Variants in CROCC observed in about 807,000 individuals in gnomAD.
CROCC encodes ciliary rootlet coiled-coil, rootletin, also known as rootletin.
In CROCC, 180 loss-of-function variants were observed where a neutral mutation model predicts 245.2. That is an observed-to-expected ratio of 0.73 (90% CI 0.65 to 0.83). CROCC has a LOEUF of 0.83. CROCC is among the 40% of genes least tolerant of loss of function. The pLI is 0.00. For synonymous variants in CROCC, 1,205 were observed against 1,241.6 expected (o/e 0.97, Z 0.62); for missense variants, 2,688 against 2,779.4 (o/e 0.97, Z 0.74).
chr1:16,932,601 T>G (rs1211313801), intron 8 of CROCC, among the ~76,000 whole-genome samples: 1 of 151,876 alleles, frequency 6.6e-6, no homozygotes, highest in Non-Finnish European at 1.5e-5. Flanking sequence ...AAGGGATGGG[T>G]AGGGTTGAAG....
At chr1:16,920,653 A>G (rs1474294020), upstream of CROCC, among the ~76,000 whole-genome samples, 1 of 152,090 alleles carries the variant, frequency 6.6e-6, no homozygotes, top group East Asian at 1.9e-4. Context: ...TAAGCACTAG[A>G]GCACATAGCC....
chr1:16,940,609 T>G (rs1391660774), intron 13 of CROCC, among the ~76,000 whole-genome samples: 3 of 152,240 alleles, frequency 2.0e-5, no homozygotes, highest in African/African-American at 7.2e-5. Context: ...AGGCTGATCT[T>G]GAACTCCTGA....
rs751434137 is a variant in CROCC at position 16,971,520 on chromosome 1, C to CGCA, written c.5852_5854dup (p.Gln1951dup). 89 of 1,536,728 alleles carry CGCA rather than the reference C, an allele frequency of 5.8e-5. No homozygotes were observed. The Middle Eastern group carries it at 1.3e-3, about 22-fold the overall frequency. ...AGCCCGGCCCAGCTGGAGGTGGATGCGCAGCAGCAGCAGCTGGAGCTGCAG... is the reference window on the plus strand; with the variant it reads ...AGCCCGGCCCAGCTGGAGGTGGATGCGCAGCAGCAGCAGCAGCTGGAGCTGCAG... On this transcript the variant is annotated inframe_insertion, in exon 36 of 37. Transcript: ENST00000375541.
At position 16,951,140 on chromosome 1, in the gene CROCC, G is replaced by C; in HGVS notation, c.3006+18G>C. 1 of 1,479,446 alleles carries C rather than the reference G, an allele frequency of 6.8e-7. No homozygotes were observed. Among genetic ancestry groups the C allele is most frequent in the South Asian group, 1.4e-5 (1 of 72,580 alleles). The allele number at this position is 1,479,446 out of a possible 1,614,324, so 91.6% of individuals were successfully genotyped here. On this transcript the variant is annotated intron_variant, in intron 20 of 36. Transcript: ENST00000375541. ...GTGAAAAGGTTCAGGCAGCTGGGGA[G>C]GGGTGGGCAGGACTCTGAGCCAGTG...
intron 9 of CROCC, 129 bp downstream of exon 9, chr1:16,937,002 T>G (rs1252849834): frequency 5.0e-5 from 50 of 1,009,830 alleles, no homozygotes; most frequent in Middle Eastern, 6.3e-4. Context: ...AGTCTTCCCA[T>G]GCACTGAGGT....
At chr1:16,971,380 C>T in intron 35 of CROCC, 85 bp from the exon 36 acceptor site, 29 of 1,445,518 alleles carry the variant, frequency 2.0e-5, no homozygotes, top group Non-Finnish European at 2.6e-5. Flanking sequence ...CTGGCCGTGT[C>T]CCAGGGAGGT....
chr1:16,918,738 G>GTTTTT (rs68022839), upstream of CROCC, among the ~76,000 whole-genome samples: 166 of 144,020 alleles, frequency 1.2e-3, 7 homozygotes, highest in African/African-American at 3.0e-3. Flanking sequence ...TTAGTTTTTT[G>GTTTTT]TTTTTGTTTT....
rs1487909597 is a variant in CROCC at position 16,924,308 on chromosome 1, C to G, written c.197-17C>G. 6.2e-7 allele frequency: 1 copy of G among 1,608,854 alleles called. No homozygotes were observed. The highest frequency in any genetic ancestry group is 8.5e-7 in the Non-Finnish European group (1 of 1,178,054). Reference sequence around the variant, plus strand: ...CTGGACCCAGAAGCCAACCATGTGCCCACTGTCCCTTGCCAGTCCTGCTGC... The same window carrying G: ...CTGGACCCAGAAGCCAACCATGTGCGCACTGTCCCTTGCCAGTCCTGCTGC... On this transcript the variant is annotated splice_polypyrimidine_tract_variant and intron_variant, in intron 2 of 36. Transcript: ENST00000375541.
chr1:16,927,178 A>G (rs1383301264), intron 3 of CROCC, among the ~76,000 whole-genome samples: 1 of 152,198 alleles, frequency 6.6e-6, no homozygotes, highest in Admixed American at 6.5e-5. Flanking sequence ...ACACAGAAAC[A>G]CTCCAATTCA....
rs1320596511 is a variant in CROCC at position 16,971,522 on chromosome 1, C to A, written c.5842C>A (p.Gln1948Lys). Residue 1948 changes from glutamine (Q) to lysine (K), a missense_variant, in exon 36 of 37, where the codon CAG (glutamine) becomes AAG (lysine). Gln to Lys is a moderately conservative substitution (Grantham distance 53, BLOSUM62 1). This residue lies in a region of CROCC where 1,218 missense variants were observed against 1,286.3 expected (regional missense o/e 0.95). Coordinates refer to ENST00000375541, the MANE Select transcript of CROCC (RefSeq NM_014675.5). Reference protein sequence around the residue: ...HSPAQLEVDAQQQQLELQQEV... With the variant: ...HSPAQLEVDAKQQQLELQQEV... Reference sequence around the variant, plus strand: ...CCCGGCCCAGCTGGAGGTGGATGCGCAGCAGCAGCAGCTGGAGCTGCAGCA... The same window carrying A: ...CCCGGCCCAGCTGGAGGTGGATGCGAAGCAGCAGCAGCTGGAGCTGCAGCA... 4.6e-6 allele frequency: 7 copies of A among 1,533,120 alleles called. No homozygotes were observed. The highest frequency in any genetic ancestry group is 6.1e-6 in the Non-Finnish European group (7 of 1,144,250). The allele number at this position is 1,533,120 out of a possible 1,614,324, so 95.0% of individuals were successfully genotyped here. A position where few individuals can be genotyped will look rare whatever the true frequency, so the allele number is the denominator to read the frequency against.
At chr1:16,968,544 G>T in intron 31 of CROCC, 126 bp downstream of exon 31, 1 of 997,166 alleles carries the variant, frequency 1.0e-6, no homozygotes, top group Non-Finnish European at 1.4e-6. Context: ...TTCACAGATG[G>T]ACAAATGGAG....
Position 16,972,309 on chromosome 1 carries a change from C to T in CROCC, c.5968-51C>T, listed in dbSNP as rs773799732. ...CGGGTTCCCTGCTGCCTCCCTTTCT[C>T]TGAAGCCAGGCTGAGGACCTGGCTG... is the stretch of plus-strand genomic sequence containing the variant. On this transcript the variant is annotated intron_variant, in intron 36 of 36. Coordinates refer to ENST00000375541, the MANE Select transcript of CROCC (RefSeq NM_014675.5). 25 of 1,494,566 alleles carry T rather than the reference C, an allele frequency of 1.7e-5. No individual in the cohort carries two copies. In the South Asian group the frequency reaches 2.7e-4, roughly 16 times the overall value. The allele number at this position is 1,494,566 out of a possible 1,614,324, so 92.6% of individuals were successfully genotyped here.
chr1:16,936,466 A>C (rs1391043344), intron 8 of CROCC, among the ~76,000 whole-genome samples, 171 bp from the exon 9 acceptor site: 2 of 152,260 alleles, frequency 1.3e-5, no homozygotes, highest in African/African-American at 4.8e-5. Context: ...ATAGGGTTTC[A>C]CCATGTTGGC....
chr1:16,925,380 AG>A (rs1403702851), intron 3 of CROCC, among the ~76,000 whole-genome samples: 2 of 152,268 alleles, frequency 1.3e-5, no homozygotes, highest in African/African-American at 4.8e-5. Flanking sequence ...AGGCTCAGGG[AG>A]GGGAAGCACC....
At chr1:16,938,357 G>T (rs1344548349) in intron 10 of CROCC, 43 bp from the exon 11 acceptor site, 15 of 1,520,824 alleles carry the variant, frequency 9.9e-6, no homozygotes, top group South Asian at 1.2e-5. Context: ...TTTCAGATAA[G>T]ACAGAACCCC....
chr1:16,946,856 G>A lies in CROCC; in HGVS notation c.2379G>A (p.Leu793=), dbSNP rs568855776. The change falls in exon 17 of 37, where the codon CTG becomes CTA. Residue 793 remains leucine, a synonymous_variant. Transcript: ENST00000375541. ...AAGAGCAGGAACGGCTAGAGGAGCT[G>A]CGGTTGGAGCAGGAGGTGGCGCGGC... ...AREEQERLEE[L]RLEQEVARQG... The A allele has an allele frequency of 2.1e-5, 33 of 1,555,820 alleles. No homozygotes were observed. The South Asian group carries it at 3.4e-4, about 16-fold the overall frequency.
At chr1:16,938,099 G>A (rs1194957105) in intron 10 of CROCC, among the ~76,000 whole-genome samples, 1 of 152,272 alleles carries the variant, frequency 6.6e-6, no homozygotes, top group African/African-American at 2.4e-5. Context: ...CCCACCAGTG[G>A]GACACTCACT....
At chr1:16,922,121 G>C in intron 1 of CROCC, 43 bp downstream of exon 1, 1 of 1,493,814 alleles carries the variant, frequency 6.7e-7, no homozygotes, top group South Asian at 1.3e-5. Context: ...GGGCGGGGCA[G>C]CGTGGACTTA....
intron 2 of CROCC, among the ~76,000 whole-genome samples, chr1:16,923,397 C>T (rs74056001): frequency 0.1 from 15,065 of 148,400 alleles, no homozygotes; most frequent in Non-Finnish European, 0.11. Flanking sequence ...GGGATGTTGG[C>T]GCCCTGGAGC....
Sources: allele counts gnomAD v4.1 joint callset (sites outside exome capture counted in the v4.1 genomes callset), GRCh38; gene constraint gnomAD v4.1.1; regional missense constraint gnomAD v4.1.1; transcripts MANE v1.5; gene names NCBI Gene and HGNC (gene_info 2026-07-23, HGNC 2026-07-21).